Variants in PCDH9 observed in about 807,000 individuals in gnomAD.
The protein encoded by PCDH9 is protocadherin-9.
Under a neutral mutation model 70.6 loss-of-function variants are expected in PCDH9, and 24 were observed. The observed-to-expected ratio is 0.34, with a 90% CI of 0.25 to 0.48. PCDH9 has a LOEUF of 0.48. Ranked by LOEUF, PCDH9 falls within the 20% of genes least tolerant of loss-of-function variation. The probability of loss-of-function intolerance (pLI) is 0.99; values close to 1 mark genes in which losing one functional copy is unlikely to be tolerated. For synonymous variants in PCDH9, 562 were observed against 558.5 expected (o/e 1.01, Z -0.09); for missense variants, 1,281 against 1,503.6 (o/e 0.85, Z 2.45).
intron 3 of PCDH9, among the ~76,000 whole-genome samples, chr13:66,894,195 C>T (rs946046322): frequency 6.6e-6 from 1 of 151,882 alleles, no homozygotes; most frequent in Admixed American, 6.6e-5. Context: ...AAGAGAAGCT[C>T]GTTGCTTACT....
At chr13:67,198,492 T>C (rs2089130872) in intron 2 of PCDH9, among the ~76,000 whole-genome samples, 1 of 151,904 alleles carries the variant, frequency 6.6e-6, no homozygotes, top group African/African-American at 2.4e-5. Context: ...TATCGTTTCT[T>C]CCACCACAAC....
intron 3 of PCDH9, among the ~76,000 whole-genome samples, chr13:66,655,401 T>C (rs2077915332): frequency 6.6e-6 from 1 of 151,916 alleles, no homozygotes; most frequent in African/African-American, 2.4e-5. Flanking sequence ...ATAATAAAAT[T>C]CTTAATGTTA....
chr13:66,808,811 T>C (rs1341082202), intron 3 of PCDH9, among the ~76,000 whole-genome samples: 2 of 152,168 alleles, frequency 1.3e-5, no homozygotes, highest in African/African-American at 2.4e-5. Flanking sequence ...AGCTTATGAG[T>C]AATGCAGTAT....
intron 2 of PCDH9, among the ~76,000 whole-genome samples, chr13:66,939,409 G>A (rs1383458949): frequency 7.3e-6 from 1 of 136,810 alleles, no homozygotes; most frequent in African/African-American, 2.7e-5. Flanking sequence ...GAAAGGTGAG[G>A]TCACTTTAAA....
chr13:66,579,333 A>T (rs1472921951), intron 4 of PCDH9, among the ~76,000 whole-genome samples: 1 of 152,134 alleles, frequency 6.6e-6, no homozygotes, highest in East Asian at 1.9e-4. Flanking sequence ...AATATACTGA[A>T]GTATATCAGC....
intron 2 of PCDH9, among the ~76,000 whole-genome samples, chr13:66,963,842 C>T (rs1209741795): frequency 6.6e-6 from 1 of 152,044 alleles, no homozygotes; most frequent in Non-Finnish European, 1.5e-5. Flanking sequence ...TTGTTTCTGA[C>T]CTTGTGAATA....
At chr13:66,607,296 A>T (rs771680231) in intron 4 of PCDH9, among the ~76,000 whole-genome samples, 2 of 152,220 alleles carry the variant, frequency 1.3e-5, no homozygotes, top group Non-Finnish European at 2.9e-5. Flanking sequence ...GATAAGTATG[A>T]GAATGCAATG....
intron 3 of PCDH9, among the ~76,000 whole-genome samples, chr13:66,724,496 G>A (rs1347606559): frequency 6.6e-6 from 1 of 152,116 alleles, no homozygotes; most frequent in South Asian, 2.1e-4. Flanking sequence ...TCTATTGCAA[G>A]AGAATGAAGG....
intron 3 of PCDH9, among the ~76,000 whole-genome samples, chr13:66,794,132 AAGAT>A (rs1416030290): frequency 3.3e-5 from 5 of 152,168 alleles, no homozygotes; most frequent in Admixed American, 6.6e-5. Flanking sequence ...AGAAACAAGA[AAGAT>A]AGTTTTTTTC....
At chr13:66,661,198 C>T (rs182421190) in intron 3 of PCDH9, among the ~76,000 whole-genome samples, 1 of 152,086 alleles carries the variant, frequency 6.6e-6, no homozygotes, top group Non-Finnish European at 1.5e-5. Context: ...GATGAAGAAC[C>T]TTATTTCTTA....
intron 2 of PCDH9, among the ~76,000 whole-genome samples, chr13:67,154,575 CAAAAAAAAA>C (rs753995213): frequency 2.7e-5 from 1 of 37,270 alleles, no homozygotes; most frequent in African/African-American, 1.0e-4. Flanking sequence ...GACCCTGTCT[CAAAAAAAAA>C]AAAAAAAAAA....
At chr13:66,804,099 T>C (rs1448137311) in intron 3 of PCDH9, among the ~76,000 whole-genome samples, 1 of 152,206 alleles carries the variant, frequency 6.6e-6, no homozygotes, top group Non-Finnish European at 1.5e-5. Context: ...CATTCGGATA[T>C]GTGACTCTAC....
intron 3 of PCDH9, among the ~76,000 whole-genome samples, chr13:66,846,101 A>G (rs2081202616): frequency 6.7e-6 from 1 of 149,288 alleles, no homozygotes; most frequent in Non-Finnish European, 1.5e-5. Context: ...TCCAGGATGT[A>G]AACACACATA....
In PCDH9 at chr13:67,227,058, A is replaced by G; in HGVS notation, c.1383T>C (p.Asp461=). Residue 461 remains aspartate, a synonymous_variant, in exon 2 of 5, where the codon GAT becomes GAC. Coordinates refer to ENST00000377865, the MANE Select transcript of PCDH9 (RefSeq NM_203487.3). The surrounding 1 kb of genome is among the most constrained non-coding windows in gnomAD (Gnocchi z 4.6). ...QTALVRVKLE[D]ENDNPPIFNQ... is the part of the protein sequence containing the mutation. ...TGAAAATTGGTGGGTTGTCATTTTC[A>G]TCCTCAAGCTTAACCCTTACCAGGG... The G allele has an allele frequency of 6.2e-7, 1 of 1,614,174 alleles. No individual in the cohort carries two copies. The highest frequency in any genetic ancestry group is 8.5e-7 in the Non-Finnish European group (1 of 1,180,006).
intron 2 of PCDH9, among the ~76,000 whole-genome samples, chr13:67,168,395 A>G (rs965722432): frequency 6.6e-6 from 1 of 152,166 alleles, no homozygotes; most frequent in African/African-American, 2.4e-5. Flanking sequence ...GTTCTATACT[A>G]GGAATACTAA....
chr13:66,528,745 C>A (rs576510552), intron 4 of PCDH9, among the ~76,000 whole-genome samples: 31 of 152,178 alleles, frequency 2.0e-4, no homozygotes, highest in African/African-American at 6.7e-4. Context: ...TTATTTTAAA[C>A]AGTAAAACTG....
At chr13:67,201,212 T>G (rs1284460964) in intron 2 of PCDH9, 1 of 152,216 alleles carries the variant, frequency 6.6e-6, no homozygotes, top group East Asian at 1.9e-4. Context: ...ACATTAGGTA[T>G]ATATCCGTTT....
chr13:66,797,116 C>T (rs557792580), intron 3 of PCDH9, among the ~76,000 whole-genome samples: 2 of 152,174 alleles, frequency 1.3e-5, no homozygotes, highest in Admixed American at 6.5e-5. Flanking sequence ...TAGTTCCACA[C>T]CATAATTAAG....
chr13:66,440,356 G>T (rs1957949975), intron 4 of PCDH9, among the ~76,000 whole-genome samples: 1 of 152,106 alleles, frequency 6.6e-6, no homozygotes, highest in Non-Finnish European at 1.5e-5. Flanking sequence ...ATTGCAAAGA[G>T]AAATTAGGTC....
Sources: gnomAD v4.1 joint callset for allele counts (sites outside exome capture counted in the v4.1 genomes callset) on GRCh38, gnomAD v4.1.1 for gene constraint, Gnocchi (gnomAD v3.1) non-coding constraint, MANE v1.5 for transcripts, NCBI Gene and HGNC (gene_info 2026-07-23, HGNC 2026-07-21) for gene names.